The following DPP10 variants were observed in gnomAD, a reference collection of about 807,000 sequenced individuals.
DPP10 encodes the protein dipeptidyl peptidase like 10, also known as inactive dipeptidyl peptidase 10.
DPP10 carries 33 observed loss-of-function variants against 120.9 expected under a neutral mutation model. That is an observed-to-expected ratio of 0.27 (90% CI 0.21 to 0.37). DPP10 has a LOEUF of 0.37. Ranked by LOEUF, DPP10 falls within the 10% of genes least tolerant of loss-of-function variation. The pLI, the probability that DPP10 is intolerant of heterozygous loss-of-function variation, is 1.00. For synonymous variants in DPP10, 337 were observed against 326.1 expected (o/e 1.03, Z -0.36); for missense variants, 816 against 942.8 (o/e 0.87, Z 1.76).
chr2:114,570,325 C>A (rs909425385), intron 1 of DPP10, among the ~76,000 whole-genome samples: 14 of 152,020 alleles, frequency 9.2e-5, no homozygotes, highest in African/African-American at 3.1e-4. Flanking sequence ...TACTATATCT[C>A]ACTCAAAGAT....
intron 1 of DPP10, among the ~76,000 whole-genome samples, chr2:115,249,212 C>G (rs886742839): frequency 2.0e-5 from 3 of 152,000 alleles, no homozygotes; most frequent in Non-Finnish European, 4.4e-5. Flanking sequence ...AATTAATGTC[C>G]TGATATAAAA....
At chr2:115,647,612 A>G (rs975095528) in intron 5 of DPP10, among the ~76,000 whole-genome samples, 5 of 152,182 alleles carry the variant, frequency 3.3e-5, no homozygotes, top group Admixed American at 6.6e-5. Context: ...GTACACTACA[A>G]CAAAATACCT....
chr2:115,743,369 T>G (rs1169139985), intron 9 of DPP10, among the ~76,000 whole-genome samples: 2 of 152,118 alleles, frequency 1.3e-5, no homozygotes, highest in African/African-American at 4.8e-5. Context: ...ATTTTTACTT[T>G]GTGATAAGCT....
intron 5 of DPP10, among the ~76,000 whole-genome samples, chr2:115,575,884 C>T (rs958914642): frequency 3.3e-5 from 5 of 152,202 alleles, no homozygotes; most frequent in African/African-American, 4.8e-5. Flanking sequence ...AGAACGTGAG[C>T]ACCCTCTAGA....
At chr2:114,925,381 G>A (rs558413936) in intron 1 of DPP10, among the ~76,000 whole-genome samples, 8 of 152,254 alleles carry the variant, frequency 5.3e-5, no homozygotes, top group South Asian at 4.1e-4. Context: ...GGAGCAAAGA[G>A]TTCATTCCCT....
chr2:114,791,806 G>A (rs946109618), intron 1 of DPP10, among the ~76,000 whole-genome samples: 2 of 152,112 alleles, frequency 1.3e-5, no homozygotes, highest in Non-Finnish European at 2.9e-5. Context: ...TAGGAGGTGG[G>A]CATATTTAAT....
intron 1 of DPP10, among the ~76,000 whole-genome samples, chr2:114,485,791 G>A (rs763873251): frequency 4.6e-5 from 7 of 151,760 alleles, no homozygotes; most frequent in African/African-American, 7.3e-5. Flanking sequence ...TCAATCCTAC[G>A]TGCCTGACCA....
chr2:115,652,916 A>G (rs1460786275), intron 5 of DPP10, among the ~76,000 whole-genome samples: 1 of 152,012 alleles, frequency 6.6e-6, no homozygotes, highest in African/African-American at 2.4e-5. Flanking sequence ...TCAAGCTGAC[A>G]TGTAAAACTA....
At chr2:114,908,065 C>G (rs1160952731) in intron 1 of DPP10, among the ~76,000 whole-genome samples, 1 of 151,762 alleles carries the variant, frequency 6.6e-6, no homozygotes, top group African/African-American at 2.4e-5. Context: ...TGCTTTGTAT[C>G]TCTGGTAATA....
At chr2:115,162,209 G>T in intron 1 of DPP10, 1 of 1,555,994 alleles carries the variant, frequency 6.4e-7, no homozygotes, top group Non-Finnish European at 8.7e-7. Flanking sequence ...GAGCCTCTGC[G>T]TGCGCTCCGG....
At chr2:115,221,924 C>T (rs1004901272) in intron 1 of DPP10, among the ~76,000 whole-genome samples, 3 of 152,022 alleles carry the variant, frequency 2.0e-5, no homozygotes, top group Non-Finnish European at 4.4e-5. Context: ...TCATTTGGAG[C>T]TATTTGTTTG....
intron 1 of DPP10, among the ~76,000 whole-genome samples, chr2:114,966,348 C>G (rs1285844389): frequency 6.6e-6 from 1 of 152,046 alleles, no homozygotes; most frequent in African/African-American, 2.4e-5. Context: ...CAGAGTAATG[C>G]CCTCCTGCAG....
At chr2:115,592,470 C>G (rs2082720793) in intron 5 of DPP10, among the ~76,000 whole-genome samples, 1 of 152,028 alleles carries the variant, frequency 6.6e-6, no homozygotes, top group South Asian at 2.1e-4. Context: ...TGGCTCATGC[C>G]TGTAATCCTA....
At chr2:115,839,609 G>T (rs932018368) in intron 24 of DPP10, among the ~76,000 whole-genome samples, 1 of 147,658 alleles carries the variant, frequency 6.8e-6, no homozygotes, top group African/African-American at 2.5e-5. Context: ...GGGAGGCAGA[G>T]GTTGCAGTGA....
rs187903818 is a variant in DPP10 at position 114,983,083 on chromosome 2, T to A, written c.61-326156T>A. 1.5e-3 allele frequency among the ~76,000 whole-genome samples: 230 copies of A among 152,328 alleles called. 3 individuals carry two copies. The highest frequency in any genetic ancestry group is 5.1e-3 in the African/African-American group (214 of 41,578). The stretch of plus-strand genomic sequence containing the variant: ...CACTATTCAGAGCTAAGACGCATTA[T>A]AACTAATGATGCATTATATACACTT... On this transcript the variant is annotated intron_variant, in intron 1 of 25. Transcript: ENST00000410059.
intron 3 of DPP10, among the ~76,000 whole-genome samples, chr2:115,389,193 GAACA>G (rs373114033): frequency 2.0e-5 from 3 of 151,788 alleles, no homozygotes; most frequent in Admixed American, 6.6e-5. Context: ...AATGTTGACA[GAACA>G]AACAAAGTGC....
intron 1 of DPP10, among the ~76,000 whole-genome samples, chr2:114,906,179 A>AAATAGTGAAAAC (rs1693943829): frequency 6.6e-6 from 1 of 151,888 alleles, no homozygotes. Context: ...GGAGTTAGAG[A>AAATAGTGAAAAC]CCAGCCTGGC....
chr2:114,997,930 C>T (rs952040749), intron 1 of DPP10, among the ~76,000 whole-genome samples: 1 of 152,150 alleles, frequency 6.6e-6, no homozygotes, highest in Non-Finnish European at 1.5e-5. Flanking sequence ...ACACTTAATA[C>T]ACATAGTTTG....
intron 1 of DPP10, among the ~76,000 whole-genome samples, chr2:115,266,158 G>A (rs2105782667): frequency 6.6e-6 from 1 of 152,260 alleles, no homozygotes; most frequent in South Asian, 2.1e-4. Context: ...GAGGGATTAA[G>A]TATAGGAGTT....
Sources: gnomAD v4.1 joint callset for allele counts (sites outside exome capture counted in the v4.1 genomes callset) on GRCh38, gnomAD v4.1.1 for gene constraint, MANE v1.5 for transcripts, NCBI Gene and HGNC (gene_info 2026-07-23, HGNC 2026-07-21) for gene names.